The following CACNA1C variants were observed in gnomAD, a reference collection of about 807,000 sequenced individuals.
CACNA1C encodes the protein voltage-dependent L-type calcium channel subunit alpha-1C.
CACNA1C carries 30 observed loss-of-function variants against 229.0 expected under a neutral mutation model. That is an observed-to-expected ratio of 0.13 (90% CI 0.10 to 0.18). The LOEUF (loss-of-function observed/expected upper bound fraction) is 0.18, where lower values mean the gene tolerates loss of function less well. CACNA1C is among the 10% of genes least tolerant of loss of function. The probability of loss-of-function intolerance (pLI) is 1.00; values close to 1 mark genes in which losing one functional copy is unlikely to be tolerated. For synonymous variants in CACNA1C, 1,114 were observed against 1,132.5 expected (o/e 0.98, Z 0.33); for missense variants, 1,658 against 2,845.0 (o/e 0.58, Z 9.49).
chr12:2,550,183 G>A (rs2099895394), intron 10 of CACNA1C, 150 bp downstream of exon 10: 2 of 684,224 alleles, frequency 2.9e-6, no homozygotes, highest in Non-Finnish European at 2.5e-6. Flanking sequence ...TGGGAACCAA[G>A]ATGGGGAGCA....
At chr12:2,258,216 C>T (rs555680884) in intron 3 of CACNA1C, among the ~76,000 whole-genome samples, 2 of 152,294 alleles carry the variant, frequency 1.3e-5, no homozygotes, top group Admixed American at 6.5e-5. Context: ...TCATTCATTG[C>T]TTTGAGGAAT....
rs2097030244 is a variant in CACNA1C, at chr12:2,679,782, G to T, written c.5430G>T (p.Lys1810Asn). The change falls in exon 42 of 47, where the codon AAG (lysine) becomes AAT (asparagine). Residue 1810 changes from lysine (K) to asparagine (N), a missense_variant. Around this residue, in one of 20 missense-constraint regions of CACNA1C, gnomAD observed 590 missense variants for 700.8 expected, o/e 0.84. Transcript: ENST00000399655. The surrounding 1 kb of genome is among the most constrained non-coding windows in gnomAD (Gnocchi z 5.5). ...TCCGGGTGCAGGAGGTGGCGTGGAA[G>T]CTCAGCTCCAACAGGTAAGTGGGAG... ...PAIRVQEVAWKLSSNRCHSRE... is the reference protein window; with the variant it reads ...PAIRVQEVAWNLSSNRCHSRE... 6.4e-7 allele frequency: 1 copy of T among 1,567,488 alleles called. No individual in the cohort carries two copies. Among genetic ancestry groups the T allele is most frequent in the Non-Finnish European group, 8.7e-7 (1 of 1,155,184 alleles).
chr12:2,423,182 A>G (rs1363450471), intron 3 of CACNA1C, among the ~76,000 whole-genome samples: 2 of 151,718 alleles, frequency 1.3e-5, no homozygotes, highest in African/African-American at 4.8e-5. Flanking sequence ...TCTGCTCCAG[A>G]GTGAAGCTGC....
chr12:2,236,546 T>C (rs140535193), intron 3 of CACNA1C, among the ~76,000 whole-genome samples: 1 of 152,218 alleles, frequency 6.6e-6, no homozygotes, highest in Non-Finnish European at 1.5e-5. Flanking sequence ...TCCCCCTTTT[T>C]CGTATCTTTG....
intron 1 of CACNA1C, among the ~76,000 whole-genome samples, chr12:2,009,729 C>A (rs2044058360): frequency 6.6e-6 from 1 of 152,132 alleles, no homozygotes; most frequent in Admixed American, 6.5e-5. Context: ...CAGTTTGAAG[C>A]AGTGTGTTAT....
rs113508714 is a variant in CACNA1C at position 2,226,798 on chromosome 12, A to G, written c.477+106368A>G. On this transcript the variant is annotated intron_variant, in intron 3 of 46. Coordinates refer to ENST00000399655, the MANE Select transcript of CACNA1C (RefSeq NM_000719.7). ...TCGAGCTCTCTGCCTGTTGGTTTTC[A>G]GCACGAGTTTCAAGTATTCTTTCGG... 4.1e-3 allele frequency among the ~76,000 whole-genome samples: 620 copies of G among 152,352 alleles called. 12 individuals are homozygous for G. Among genetic ancestry groups the G allele is most frequent in the South Asian group, 0.032 (154 of 4,822 alleles).
chr12:2,585,335 A>G lies in CACNA1C; in HGVS notation c.2340-41A>G. 6.3e-7 allele frequency: 1 copy of G among 1,595,690 alleles called. No individual in the cohort carries two copies. The highest frequency in any genetic ancestry group is 1.3e-5 in the African/African-American group (1 of 74,840). ...CTCCTACACTGTTCCCTATCACTCCAGTAAACAGCCATTTATTTTTTTCTG... is the reference window on the plus strand; with the variant it reads ...CTCCTACACTGTTCCCTATCACTCCGGTAAACAGCCATTTATTTTTTTCTG... On this transcript the variant is annotated intron_variant, in intron 16 of 46. Coordinates refer to ENST00000399655, the MANE Select transcript of CACNA1C (RefSeq NM_000719.7). This position sits in a 1 kb window ranked among gnomAD's most constrained non-coding sequence, Gnocchi z 4.1.
At chr12:2,335,664 G>A (rs1485524708) in intron 3 of CACNA1C, among the ~76,000 whole-genome samples, 2 of 152,078 alleles carry the variant, frequency 1.3e-5, no homozygotes. Flanking sequence ...CTGGGTGAGG[G>A]ACCGGCCCTC....
intron 5 of CACNA1C, among the ~76,000 whole-genome samples, chr12:2,471,190 A>G (rs1597336300): frequency 6.6e-6 from 1 of 152,240 alleles, no homozygotes; most frequent in Non-Finnish European, 1.5e-5. Flanking sequence ...TAAAATTCAC[A>G]TATTTTAAGT....
At chr12:2,139,977 A>C (rs907806381) in intron 3 of CACNA1C, among the ~76,000 whole-genome samples, 1 of 150,914 alleles carries the variant, frequency 6.6e-6, no homozygotes, top group Non-Finnish European at 1.5e-5. Flanking sequence ...GGGTCTCAGC[A>C]GGGGCTTATC....
intron 1 of CACNA1C, among the ~76,000 whole-genome samples, chr12:1,996,632 AAAAAAAAAAAAAAAAAAAAAAAAC>A (rs1331255574): frequency 3.7e-5 from 4 of 108,896 alleles, no homozygotes; most frequent in Non-Finnish European, 7.5e-5. Flanking sequence ...AAAAAAAAAA[AAAAAAAAAAAAAAAAAAAAAAAAC>A]AACAAACTCT....
intron 13 of CACNA1C, among the ~76,000 whole-genome samples, chr12:2,574,098 G>A (rs1301630325): frequency 5.3e-5 from 8 of 152,146 alleles, no homozygotes; most frequent in African/African-American, 1.9e-4. Flanking sequence ...AAAAAGGCCA[G>A]GAAGCCTGTA....
At chr12:2,480,848 C>T (rs1208343815) in intron 5 of CACNA1C, among the ~76,000 whole-genome samples, 2 of 152,160 alleles carry the variant, frequency 1.3e-5, no homozygotes, top group African/African-American at 4.8e-5. Context: ...TGCCTAAACA[C>T]CAACAGAAAA....
chr12:2,562,057 G>T (rs746370725), intron 11 of CACNA1C, among the ~76,000 whole-genome samples: 5 of 151,944 alleles, frequency 3.3e-5, no homozygotes, highest in African/African-American at 1.2e-4. Context: ...ACTTTCTCTG[G>T]ATAGTAATTA....
At chr12:2,217,542 C>G (rs556176284) in intron 3 of CACNA1C, 1 of 152,180 alleles carries the variant, frequency 6.6e-6, no homozygotes, top group African/African-American at 2.4e-5. Context: ...CACTTGATAT[C>G]TAGATGTATT....
intron 18 of CACNA1C, among the ~76,000 whole-genome samples, chr12:2,586,721 C>T (rs967532392): frequency 3.9e-5 from 6 of 152,208 alleles, no homozygotes; most frequent in African/African-American, 1.4e-4. Flanking sequence ...GAGCAAAGCT[C>T]GGTTTCCCTT....
chr12:2,033,642 C>G (rs2048600847), intron 1 of CACNA1C, among the ~76,000 whole-genome samples: 1 of 152,172 alleles, frequency 6.6e-6, no homozygotes, highest in Admixed American at 6.5e-5. Context: ...AAAACAACAA[C>G]ACAACAACAA....
intron 1 of CACNA1C, among the ~76,000 whole-genome samples, chr12:2,059,385 C>G (rs2056551627): frequency 6.6e-6 from 1 of 151,674 alleles, no homozygotes; most frequent in African/African-American, 2.4e-5. Flanking sequence ...GGGCCTGGAG[C>G]TCAGGAGTCG....
chr12:2,585,234 G>A lies in CACNA1C; in HGVS notation c.2340-142G>A, dbSNP rs190051129. On this transcript the variant is annotated intron_variant, in intron 16 of 46. Transcript: ENST00000399655. The surrounding 1 kb of genome is among the most constrained non-coding windows in gnomAD (Gnocchi z 4.1). The stretch of plus-strand genomic sequence containing the variant: ...TGTGACTGAGCTGCACACGAGAAGC[G>A]TCCTGGAGAAAGGAAGATGGACTCA... 274 of 729,450 alleles carry A rather than the reference G, an allele frequency of 3.8e-4. No individual in the cohort carries two copies. The highest frequency in any genetic ancestry group is 3.1e-3 in the African/African-American group (172 of 55,526). The allele number at this position is 729,450 out of a possible 1,614,324, so 45.2% of individuals were successfully genotyped here.
Sources: allele counts gnomAD v4.1 joint callset (sites outside exome capture counted in the v4.1 genomes callset), GRCh38; gene constraint gnomAD v4.1.1; regional missense constraint gnomAD v4.1.1; non-coding constraint Gnocchi (gnomAD v3.1); transcripts MANE v1.5; gene names NCBI Gene and HGNC (gene_info 2026-07-23, HGNC 2026-07-21).